The following URB2 variants were observed in gnomAD, a reference collection of about 807,000 sequenced individuals.
URB2 encodes URB2 ribosome biogenesis homolog, also known as unhealthy ribosome biogenesis protein 2 homolog.
A neutral mutation model predicts 120.9 loss-of-function variants in URB2; 86 were observed. The ratio of observed to expected loss-of-function variants is 0.71; its 90% CI spans 0.60 to 0.85. The LOEUF (loss-of-function observed/expected upper bound fraction) is 0.85, where lower values mean the gene tolerates loss of function less well. Ranked by LOEUF, URB2 falls within the 40% of genes least tolerant of loss-of-function variation. URB2 has a pLI of 0.00. For synonymous variants in URB2, 755 were observed against 758.4 expected (o/e 1.00, Z 0.07); for missense variants, 1,765 against 1,836.5 (o/e 0.96, Z 0.71).
At chr1:229,646,650 A>T (rs577987595) in intron 6 of URB2, among the ~76,000 whole-genome samples, 16 of 152,352 alleles carry the variant, frequency 1.1e-4, no homozygotes, top group African/African-American at 3.4e-4. Context: ...TGTTGCAGAT[A>T]GGAGTTTATT....
chr1:229,657,682 A>C (rs1421239256), intron 9 of URB2, among the ~76,000 whole-genome samples: 1 of 152,186 alleles, frequency 6.6e-6, no homozygotes, highest in Non-Finnish European at 1.5e-5. Context: ...CAGACACGCC[A>C]TTCTACCTTC....
chr1:229,638,012 G>A lies in URB2; in HGVS notation c.3399G>A (p.Arg1133=). ...LLEADLGQHC[R]DGGADISQGS... ...AAGCCGACCTGGGTCAGCACTGCAG[G>A]GATGGAGGGGCCGACATTTCCCAAG... The change falls in exon 4 of 10, where the codon AGG becomes AGA. Residue 1133 remains arginine, a synonymous_variant. Transcript: ENST00000258243. The A allele has an allele frequency of 2.5e-6, 4 of 1,613,306 alleles. No individual in the cohort carries two copies. Among genetic ancestry groups the A allele is most frequent in the Non-Finnish European group, 3.4e-6 (4 of 1,179,490 alleles).
Position 229,643,712 on chromosome 1 carries a change from C to A in URB2, c.3795+19C>A. ...TGTGCAGGTGGGTGCCTTCTCCCTC[C>A]TTGTGTGGCAGGCTCAGAAACCACG... is the stretch of plus-strand genomic sequence containing the variant. On this transcript the variant is annotated intron_variant, in intron 5 of 9. Coordinates refer to ENST00000258243, the MANE Select transcript of URB2 (RefSeq NM_014777.4). The A allele has an allele frequency of 6.2e-7, 1 of 1,604,354 alleles. No individual in the cohort carries two copies. The highest frequency in any genetic ancestry group is 8.5e-7 in the Non-Finnish European group (1 of 1,174,712).
intron 1 of URB2, 74 bp from the exon 2 acceptor site, chr1:229,627,547 A>G: frequency 1.4e-6 from 2 of 1,454,800 alleles, no homozygotes; most frequent in Non-Finnish European, 9.3e-7. Context: ...GTACTGCAAT[A>G]CTGTTGGTTT....
At position 229,627,242 on chromosome 1, in the gene URB2, C is replaced by G. The variant is rs566330797; in HGVS notation, c.-13-379C>G. ...CTTTCTCCGGATATTGCTTATGTAT[C>G]TTTTCCTCTTTCAATTTGAAACCAT... is the stretch of plus-strand genomic sequence containing the variant. On this transcript the variant is annotated intron_variant, in intron 1 of 9. Coordinates refer to ENST00000258243, the MANE Select transcript of URB2 (RefSeq NM_014777.4). Among the ~76,000 whole-genome samples, 4 of 152,302 alleles carry G rather than the reference C, an allele frequency of 2.6e-5. No homozygotes were observed. The East Asian group carries it at 5.8e-4, about 22-fold the overall frequency.
At chr1:229,628,741 G>A (rs1665593060) in intron 2 of URB2, among the ~76,000 whole-genome samples, 1 of 152,170 alleles carries the variant, frequency 6.6e-6, no homozygotes, top group Non-Finnish European at 1.5e-5. Flanking sequence ...AATTTCTCAG[G>A]CTTTTTAGGC....
chr1:229,647,879 A>G (rs561659616), intron 7 of URB2, 127 bp downstream of exon 7: 2 of 1,427,660 alleles, frequency 1.4e-6, no homozygotes, highest in Admixed American at 2.7e-5. Flanking sequence ...TTGCTAGGCA[A>G]ACTTTCTGTT....
Position 229,637,245 on chromosome 1 carries a change from G to C in URB2, c.2632G>C (p.Val878Leu), listed in dbSNP as rs779692970. Residue 878 changes from valine (V) to leucine (L), a missense_variant, in exon 4 of 10, where the codon GTC (valine) becomes CTC (leucine). Physicochemically the swap from Val to Leu is conservative, Grantham distance 32 (BLOSUM62 1). Coordinates refer to ENST00000258243, the MANE Select transcript of URB2 (RefSeq NM_014777.4). The stretch of plus-strand genomic sequence containing the variant: ...AATTGCCCAGAACTTACTGTCCCTG[G>C]TCAAGAGTGACTTCCCTATCCAGCT... ...GEIAQNLLSLVKSDFPIQLEG... is the reference protein window; with the variant it reads ...GEIAQNLLSLLKSDFPIQLEG... 1.9e-6 allele frequency: 3 copies of C among 1,614,030 alleles called. No individual in the cohort carries two copies. Among genetic ancestry groups the C allele is most frequent in the Admixed American group, 3.3e-5 (2 of 60,006 alleles).
chr1:229,633,801 T>A (rs888607374), intron 3 of URB2, among the ~76,000 whole-genome samples: 19 of 152,200 alleles, frequency 1.2e-4, no homozygotes, highest in African/African-American at 4.6e-4. Context: ...AGATTTGCTG[T>A]ATAATAAGCA....
Position 229,632,203 on chromosome 1 carries a change from AT to A in URB2, c.127-65del, listed in dbSNP as rs1415551154. 2.8e-6 allele frequency: 4 copies of A among 1,420,692 alleles called. No individual in the cohort carries two copies. In the Admixed American group the frequency reaches 8.5e-5, roughly 30 times the overall value. 88.0% of individuals were successfully genotyped at this position (1,420,692 alleles called of 1,614,324 possible). On this transcript the variant is annotated intron_variant, in intron 2 of 9. Transcript: ENST00000258243. ...ATTTGCTTATACCTGTAATGTCCCT[AT>A]AATGTCTAACATCTTTCTCTCAGCA...
intron 9 of URB2, among the ~76,000 whole-genome samples, chr1:229,657,678 C>T (rs1183071786): frequency 6.6e-6 from 1 of 152,164 alleles, no homozygotes; most frequent in East Asian, 1.9e-4. Flanking sequence ...TTCACAGACA[C>T]GCCATTCTAC....
chr1:229,659,094 C>A lies in URB2; in HGVS notation c.4378-6C>A. The A allele has an allele frequency of 6.2e-7, 1 of 1,608,534 alleles. No homozygotes were observed. The highest frequency in any genetic ancestry group is 1.3e-5 in the African/African-American group (1 of 74,886). On this transcript the variant is annotated splice_polypyrimidine_tract_variant and splice_region_variant and intron_variant, in intron 9 of 9. Coordinates refer to ENST00000258243, the MANE Select transcript of URB2 (RefSeq NM_014777.4). ...TGTTCTCACAGAGGTTTGCCTTTTTCCTCAGGTGACCTTATATCCAGCTGT... is the reference window on the plus strand; with the variant it reads ...TGTTCTCACAGAGGTTTGCCTTTTTACTCAGGTGACCTTATATCCAGCTGT...
chr1:229,652,642 T>C (rs1297637057), intron 8 of URB2, among the ~76,000 whole-genome samples: 6 of 152,204 alleles, frequency 3.9e-5, no homozygotes, highest in Admixed American at 6.5e-5. Flanking sequence ...AAGTTTCCCC[T>C]CCCATGCCAG....
Position 229,636,868 on chromosome 1 carries a change from CCTAT to C in URB2, c.2258_2261del (p.Tyr753CysfsTer14), listed in dbSNP as rs763528187. On this transcript the variant is annotated frameshift_variant, in exon 4 of 10. Coordinates refer to ENST00000258243, the MANE Select transcript of URB2 (RefSeq NM_014777.4). LOFTEE classifies it high-confidence loss of function. Reference sequence around the variant, plus strand: ...GTGTCAAATCTCACAATTTTAATATCCTATCTGTGTCCAGATGATGTGGGATACC... The same window carrying C: ...GTGTCAAATCTCACAATTTTAATATCCTGTGTCCAGATGATGTGGGATACC... The C allele has an allele frequency of 2.4e-5, 38 of 1,611,224 alleles. No individual in the cohort carries two copies. Among genetic ancestry groups the C allele is most frequent in the Non-Finnish European group, 3.1e-5 (36 of 1,178,022 alleles).
intron 7 of URB2, among the ~76,000 whole-genome samples, chr1:229,648,879 A>G (rs1666209970): frequency 6.6e-6 from 1 of 152,220 alleles, no homozygotes; most frequent in Non-Finnish European, 1.5e-5. Context: ...TAGATCGTAT[A>G]ATACTTTCAC....
chr1:229,632,803 C>T (rs1441578871), intron 3 of URB2, among the ~76,000 whole-genome samples: 1 of 140,698 alleles, frequency 7.1e-6, no homozygotes, highest in Non-Finnish European at 1.5e-5. Context: ...ACAGGAATTT[C>T]CTCAAAGGTT....
At position 229,636,159 on chromosome 1, in the gene URB2, C is replaced by T. The variant is rs777312576; in HGVS notation, c.1546C>T (p.Leu516Phe). 5 of 1,614,250 alleles carry T rather than the reference C, an allele frequency of 3.1e-6. No individual in the cohort carries two copies. In the East Asian group the frequency reaches 8.9e-5, roughly 29 times the overall value. Residue 516 changes from leucine (L) to phenylalanine (F), a missense_variant, in exon 4 of 10, where the codon CTT (leucine) becomes TTT (phenylalanine). Physicochemically the swap from Leu to Phe is conservative, Grantham distance 22 (BLOSUM62 0). Coordinates refer to ENST00000258243, the MANE Select transcript of URB2 (RefSeq NM_014777.4). ...AAGTCAGATCCTGGACACGTGGTCC[C>T]TTGTGCTGGAGAAGTTCCAGTCTTT... ...PPSQILDTWS[L>F]VLEKFQSLVL... is the part of the protein sequence containing the mutation.
rs754943613 is a variant in URB2, at chr1:229,638,048, G to A, written c.3435G>A (p.Arg1145=). ...CCGACATTTCCCAAGGAAGCGACAG[G>A]ACGCTGCTCTCCCATGTTGCCCTCT... ...GGADISQGSD[R]TLLSHVALYQ... Residue 1145 remains arginine, a synonymous_variant, in exon 4 of 10, where the codon AGG becomes AGA. Coordinates refer to ENST00000258243, the MANE Select transcript of URB2 (RefSeq NM_014777.4). 6.1e-5 allele frequency: 99 copies of A among 1,613,722 alleles called. No individual in the cohort carries two copies. The highest frequency in any genetic ancestry group is 8.1e-5 in the Non-Finnish European group (96 of 1,179,804).
chr1:229,644,330 T>A (rs918232481), intron 5 of URB2, among the ~76,000 whole-genome samples: 3 of 152,232 alleles, frequency 2.0e-5, no homozygotes, highest in Non-Finnish European at 2.9e-5. Flanking sequence ...GCCTCATGAA[T>A]GGCTTATTGA....
Sources: gnomAD v4.1 joint callset for allele counts (sites outside exome capture counted in the v4.1 genomes callset) on GRCh38, gnomAD v4.1.1 for gene constraint, MANE v1.5 for transcripts, NCBI Gene and HGNC (gene_info 2026-07-23, HGNC 2026-07-21) for gene names.